The following PDGFRA variants were observed in gnomAD, a reference collection of about 807,000 sequenced individuals.
The protein encoded by PDGFRA is platelet-derived growth factor receptor alpha.
PDGFRA carries 25 observed loss-of-function variants against 121.5 expected under a neutral mutation model. That is an observed-to-expected ratio of 0.21 (90% confidence interval 0.15 to 0.29). The LOEUF (loss-of-function observed/expected upper bound fraction) is 0.29. PDGFRA is among the 10% of genes least tolerant of loss of function. The pLI is 1.00. For missense variants in PDGFRA, 1,008 were observed against 1,345.1 expected, an observed-to-expected ratio of 0.75 and a Z score of 3.92; for synonymous variants, 463 against 494.8, an observed-to-expected ratio of 0.94 and a Z score of 0.85.
intron 1 of PDGFRA, among the ~76,000 whole-genome samples, chr4:54,244,225 G>A (rs1479726634): frequency 6.6e-6 from 1 of 152,204 alleles, no homozygotes; most frequent in Non-Finnish European, 1.5e-5. Context: ...GATTCTCCCA[G>A]CACACAGCTG....
rs2110257409 is a variant in PDGFRA at position 54,264,927 on chromosome 4, G to C, written c.637G>C (p.Glu213Gln). Residue 213 changes from glutamate to glutamine, a missense_variant, in exon 5 of 23, where the codon GAG becomes CAG. Physicochemically the swap from Glu to Gln is conservative, Grantham distance 29 (BLOSUM62 2). This residue lies in a region of PDGFRA where 575 missense variants were observed against 701.8 expected (regional missense o/e 0.82). Transcript: ENST00000257290. ...FNVYALKATS[E>Q]LDLEMEALKT... is the part of the protein sequence containing the mutation. The stretch of plus-strand genomic sequence containing the variant: ...TTTGTTCTTTTTTATAGCAACATCA[G>C]AGCTGGATCTAGAAATGGAAGCTCT... 2 of 1,612,604 alleles carry C rather than the reference G, an allele frequency of 1.2e-6. No individual in the cohort carries two copies. The highest frequency in any genetic ancestry group is 1.7e-6 in the Non-Finnish European group (2 of 1,179,182).
rs375050626 is a variant in PDGFRA, at chr4:54,295,193, A to G, written c.3191A>G (p.Asp1064Gly). The G allele has an allele frequency of 1.8e-5, 29 of 1,613,604 alleles. No individual in the cohort carries two copies. Among genetic ancestry groups the G allele is most frequent in the Non-Finnish European group, 2.3e-5 (27 of 1,179,670 alleles). Residue 1064 changes from aspartate (D) to glycine (G), a missense_variant, in exon 23 of 23, where the codon GAC (aspartate) becomes GGC (glycine). By Grantham distance (94) the Asp-to-Gly change is moderately conservative. This residue lies in a region of PDGFRA where 204 missense variants were observed against 243.0 expected (regional missense o/e 0.84). Coordinates refer to ENST00000257290, the MANE Select transcript of PDGFRA (RefSeq NM_006206.6). ...SSSSTFIKREDETIEDIDMMD... is the reference protein window; with the variant it reads ...SSSSTFIKREGETIEDIDMMD... ...AGTTCCACCTTCATCAAGAGAGAGG[A>G]CGAGACCATTGAAGACATCGACATG...
chr4:54,248,051 C>CA (rs1369327813), intron 1 of PDGFRA, among the ~76,000 whole-genome samples: 2 of 152,028 alleles, frequency 1.3e-5, no homozygotes, highest in African/African-American at 4.8e-5. Context: ...AACCACTGCT[C>CA]AATGAAATAA....
intron 1 of PDGFRA, among the ~76,000 whole-genome samples, chr4:54,235,658 T>A (rs1361728849): frequency 2.0e-5 from 3 of 152,164 alleles, no homozygotes; most frequent in Admixed American, 6.6e-5. Flanking sequence ...GAATCAGAGT[T>A]CAGATCCATG....
At chr4:54,290,231 A>T in intron 21 of PDGFRA, 82 bp from the exon 22 acceptor site, 1 of 1,108,784 alleles carries the variant, frequency 9.0e-7, no homozygotes, top group Middle Eastern at 2.0e-4. Flanking sequence ...CAGTTAAATA[A>T]TAGTAAGTTC....
At chr4:54,263,994 A>ATTTT in intron 4 of PDGFRA, 67 bp downstream of exon 4, 1 of 1,201,836 alleles carries the variant, frequency 8.3e-7, no homozygotes, top group Non-Finnish European at 1.2e-6. Flanking sequence ...TGCGTGTAGG[A>ATTTT]TTTTTTTTTT....
chr4:54,233,518 C>T (rs1164141238), intron 1 of PDGFRA, among the ~76,000 whole-genome samples: 2 of 152,212 alleles, frequency 1.3e-5, no homozygotes, highest in African/African-American at 4.8e-5. Context: ...CCCGGGCGGT[C>T]GGCGCCGCTA....
At chr4:54,278,681 CATG>C in intron 15 of PDGFRA, 166 bp downstream of exon 15, 2 of 686,674 alleles carry the variant, frequency 2.9e-6, no homozygotes, top group South Asian at 3.3e-5. Flanking sequence ...CAGAGAGATG[CATG>C]ATGTCTAAAG....
In PDGFRA at chr4:54,264,834, TAA is replaced by T. The variant is rs61317836; in HGVS notation, c.629-69_629-68del. 0.019 allele frequency: 19,304 copies of T among 1,021,444 alleles called. 213 individuals are homozygous for T. The highest frequency in any genetic ancestry group is 0.1 in the African/African-American group (6,001 of 58,332). The allele number at this position is 1,021,444 out of a possible 1,614,324, so 63.3% of individuals were successfully genotyped here. On this transcript the variant is annotated intron_variant, in intron 4 of 22. Coordinates refer to ENST00000257290, the MANE Select transcript of PDGFRA (RefSeq NM_006206.6). ...TGCAAATTATTTTTCAGGGTTTTCT[TAA>T]AAAAAAAAAAAAAAACCCAAACTTT...
intron 1 of PDGFRA, among the ~76,000 whole-genome samples, chr4:54,251,542 A>G (rs1191884251): frequency 6.6e-6 from 1 of 152,232 alleles, no homozygotes; most frequent in Non-Finnish European, 1.5e-5. Flanking sequence ...GGCTTTGACT[A>G]GAATGGTGTG....
rs1021654590 is a variant in PDGFRA at position 54,280,322 on chromosome 4, T to G, written c.2163T>G (p.Val721=). 6.8e-6 allele frequency: 11 copies of G among 1,613,508 alleles called. No individual in the cohort carries two copies. The Middle Eastern group carries it at 1.2e-3, about 169-fold the overall frequency. The change falls in exon 16 of 23, where the codon GTT becomes GTG. Residue 721 remains valine, a synonymous_variant. Coordinates refer to ENST00000257290, the MANE Select transcript of PDGFRA (RefSeq NM_006206.6). ...TCTCTTTCTGTTTTTACAGCTATGTTATTTTATCTTTTGAAAACAATGGTG... is the reference window on the plus strand; with the variant it reads ...TCTCTTTCTGTTTTTACAGCTATGTGATTTTATCTTTTGAAAACAATGGTG... ...NPADESTRSY[V]ILSFENNGDY...
intron 1 of PDGFRA, among the ~76,000 whole-genome samples, chr4:54,230,976 G>A (rs986906602): frequency 6.6e-6 from 1 of 152,230 alleles, no homozygotes; most frequent in African/African-American, 2.4e-5. Flanking sequence ...GGCCCAACCC[G>A]AGTACGTTGC....
At chr4:54,289,217 A>G (rs1724509632) in intron 21 of PDGFRA, 103 bp downstream of exon 21, 1 of 749,938 alleles carries the variant, frequency 1.3e-6, no homozygotes, top group African/African-American at 1.7e-5. Context: ...AAAAGAGGCA[A>G]AAGACTGTGT....
At chr4:54,255,820 AAACAACAACAAC>A (rs768327064) in intron 1 of PDGFRA, among the ~76,000 whole-genome samples, 2 of 151,436 alleles carry the variant, frequency 1.3e-5, no homozygotes, top group Non-Finnish European at 2.9e-5. Flanking sequence ...TTTTTTTTTA[AAACAACAACAAC>A]AACAACAACA....
At chr4:54,250,871 C>T (rs915440287) in intron 1 of PDGFRA, among the ~76,000 whole-genome samples, 2 of 151,898 alleles carry the variant, frequency 1.3e-5, no homozygotes, top group African/African-American at 4.8e-5. Context: ...TCAAGACTAG[C>T]TTGGCCAGCA....
rs572964298 is a variant in PDGFRA at position 54,277,899 on chromosome 4, C to G, written c.1895C>G (p.Thr632Arg). The G allele has an allele frequency of 6.2e-7, 1 of 1,607,342 alleles. No individual in the cohort carries two copies. Among genetic ancestry groups the G allele is most frequent in the East Asian group, 2.2e-5 (1 of 44,842 alleles). The part of the protein sequence containing the change: ...MKVAVKMLKP[T>R]ARSSEKQALM... The stretch of plus-strand genomic sequence containing the variant: ...ATGTGATTTATTCTTTCAACAGCCA[C>G]GGCCAGATCCAGTGAAAAACAAGCT... Residue 632 changes from threonine (T) to arginine (R), a missense_variant, in exon 14 of 23, where the codon ACG (threonine) becomes AGG (arginine). By Grantham distance (71) the Thr-to-Arg change is moderately conservative (BLOSUM62 -1). Around this residue, in one of 5 missense-constraint regions of PDGFRA, gnomAD observed 61 missense variants for 125.3 expected, o/e 0.49. Transcript: ENST00000257290.
chr4:54,265,709 A>G (rs1282352276), intron 5 of PDGFRA, among the ~76,000 whole-genome samples: 1 of 152,212 alleles, frequency 6.6e-6, no homozygotes, highest in African/African-American at 2.4e-5. Context: ...CCTCTTGGTC[A>G]CTGGAGATTT....
chr4:54,262,934 G>A (rs1322657367), intron 3 of PDGFRA, among the ~76,000 whole-genome samples: 1 of 152,172 alleles, frequency 6.6e-6, no homozygotes, highest in Non-Finnish European at 1.5e-5. Context: ...CTGTCTGACT[G>A]AGATCTTTTT....
chr4:54,261,494 A>G, intron 3 of PDGFRA, 82 bp downstream of exon 3: 1 of 792,046 alleles, frequency 1.3e-6, no homozygotes, highest in African/African-American at 1.8e-5. Flanking sequence ...AAACATATAT[A>G]TAAATAATTA....
Sources: allele counts gnomAD v4.1 joint callset (sites outside exome capture counted in the v4.1 genomes callset), GRCh38; gene constraint gnomAD v4.1.1; regional missense constraint gnomAD v4.1.1; transcripts MANE v1.5; gene names NCBI Gene and HGNC (gene_info 2026-07-23, HGNC 2026-07-21).